The following EXOC6B variants were observed in gnomAD, a reference collection of about 807,000 sequenced individuals.
EXOC6B encodes the protein exocyst complex component 6B.
In EXOC6B, 54 loss-of-function variants were observed where a neutral mutation model predicts 113.5. The ratio of observed to expected loss-of-function variants is 0.48; its 90% CI spans 0.38 to 0.60. The LOEUF is 0.60. Ranked by LOEUF, EXOC6B falls within the 20% of genes least tolerant of loss-of-function variation. The probability of loss-of-function intolerance (pLI) is 0.00; values close to 1 mark genes in which losing one functional copy is unlikely to be tolerated. For missense variants in EXOC6B, 797 were observed against 977.5 expected, an observed-to-expected ratio of 0.82 and a Z score of 2.46; for synonymous variants, 357 against 339.0, an observed-to-expected ratio of 1.05 and a Z score of -0.58.
At chr2:72,635,155 T>C (rs1672733687) in intron 6 of EXOC6B, among the ~76,000 whole-genome samples, 1 of 151,532 alleles carries the variant, frequency 6.6e-6, no homozygotes, top group South Asian at 2.1e-4. Flanking sequence ...CTCAAAAAAC[T>C]AGAAAGAGAA....
chr2:72,183,964 C>A, intron 21 of EXOC6B, 111 bp downstream of exon 21: 1 of 602,612 alleles, frequency 1.7e-6, no homozygotes, highest in South Asian at 2.5e-5. Context: ...TGGCAACTTC[C>A]AGAACAAGGC....
chr2:72,242,963 G>C (rs1286575876), intron 20 of EXOC6B, among the ~76,000 whole-genome samples: 1 of 152,062 alleles, frequency 6.6e-6, no homozygotes. Context: ...TTAAACTCTT[G>C]GGCTTAAGAG....
chr2:72,509,716 A>T (rs1430358454), intron 11 of EXOC6B, among the ~76,000 whole-genome samples: 1 of 152,154 alleles, frequency 6.6e-6, no homozygotes, highest in Non-Finnish European at 1.5e-5. Flanking sequence ...ATTTAAAAAC[A>T]TGAAAATATA....
intron 17 of EXOC6B, among the ~76,000 whole-genome samples, chr2:72,471,058 G>C (rs1226205759): frequency 2.0e-5 from 3 of 152,092 alleles, no homozygotes; most frequent in African/African-American, 4.8e-5. Context: ...TTCCACAATG[G>C]TTGAACTAGT....
intron 1 of EXOC6B, among the ~76,000 whole-genome samples, chr2:72,796,556 A>C (rs930303423): frequency 4.6e-5 from 7 of 151,582 alleles, no homozygotes; most frequent in Non-Finnish European, 8.8e-5. Flanking sequence ...ACTCTATTTT[A>C]TTCATCTTTC....
At chr2:72,695,968 C>T (rs371151613) in intron 6 of EXOC6B, among the ~76,000 whole-genome samples, 2 of 151,640 alleles carry the variant, frequency 1.3e-5, no homozygotes, top group African/African-American at 4.9e-5. Flanking sequence ...CCAATGGCTC[C>T]GAAGTTTCAA....
At chr2:72,685,210 C>T (rs1012446214) in intron 6 of EXOC6B, among the ~76,000 whole-genome samples, 3 of 151,636 alleles carry the variant, frequency 2.0e-5, no homozygotes, top group African/African-American at 7.3e-5. Flanking sequence ...ACAATTTTCC[C>T]AACTTTTCTG....
At chr2:72,188,601 G>A (rs928028140) in intron 20 of EXOC6B, among the ~76,000 whole-genome samples, 12 of 152,122 alleles carry the variant, frequency 7.9e-5, no homozygotes, top group Non-Finnish European at 1.5e-4. Context: ...AAAACCAGCA[G>A]GTCTATTTAT....
At chr2:72,507,448 A>C (rs1452345455) in intron 11 of EXOC6B, among the ~76,000 whole-genome samples, 1 of 152,122 alleles carries the variant, frequency 6.6e-6, no homozygotes, top group African/African-American at 2.4e-5. Flanking sequence ...AATAGTTTTT[A>C]ATTGTTTGTA....
chr2:72,725,431 G>A (rs1265472026), intron 5 of EXOC6B, among the ~76,000 whole-genome samples: 5 of 151,364 alleles, frequency 3.3e-5, no homozygotes, highest in African/African-American at 9.7e-5. Flanking sequence ...TCACTCTGTC[G>A]CCCAGGCTGG....
At chr2:72,614,775 C>T (rs900291957) in intron 6 of EXOC6B, among the ~76,000 whole-genome samples, 90 of 152,200 alleles carry the variant, frequency 5.9e-4, no homozygotes, top group African/African-American at 2.1e-3. Context: ...AAAGCTCATA[C>T]CCAAAGAAGT....
At chr2:72,761,145 A>G (rs545500808) in intron 1 of EXOC6B, among the ~76,000 whole-genome samples, 2 of 152,156 alleles carry the variant, frequency 1.3e-5, no homozygotes, top group Non-Finnish European at 2.9e-5. Context: ...GTGCCACTGC[A>G]CTGCAACCTG....
At chr2:72,756,735 C>G (rs1682434990) in intron 1 of EXOC6B, among the ~76,000 whole-genome samples, 1 of 152,062 alleles carries the variant, frequency 6.6e-6, no homozygotes, top group Non-Finnish European at 1.5e-5. Context: ...CATGAAGCAA[C>G]CTTTTTCACA....
At chr2:72,769,192 C>G (rs1297806597) in intron 1 of EXOC6B, among the ~76,000 whole-genome samples, 2 of 151,974 alleles carry the variant, frequency 1.3e-5, no homozygotes, top group Non-Finnish European at 1.5e-5. Context: ...GAGTCCTTCA[C>G]TAAAAGAAAT....
intron 20 of EXOC6B, among the ~76,000 whole-genome samples, chr2:72,204,409 A>C (rs1679695937): frequency 6.6e-6 from 1 of 152,136 alleles, no homozygotes; most frequent in African/African-American, 2.4e-5. Context: ...AAAGGCAGAG[A>C]ATGGGTGGAA....
chr2:72,715,428 T>A (rs1679550818), intron 6 of EXOC6B, among the ~76,000 whole-genome samples: 1 of 148,244 alleles, frequency 6.7e-6, no homozygotes, highest in African/African-American at 2.5e-5. Context: ...ACATTTAAAA[T>A]ATATATATAA....
chr2:72,480,331 G>A (rs907631011), intron 17 of EXOC6B, among the ~76,000 whole-genome samples: 2 of 152,138 alleles, frequency 1.3e-5, no homozygotes, highest in Non-Finnish European at 2.9e-5. Flanking sequence ...GACTGTGATG[G>A]GGGTTCAACT....
rs763177693 is a variant in EXOC6B at position 72,480,600 on chromosome 2, T to C, written c.1800+16A>G. On this transcript the variant is annotated intron_variant, in intron 17 of 21. Coordinates refer to ENST00000272427, the MANE Select transcript of EXOC6B (RefSeq NM_015189.3). ...TACACCAGAAGCAGTTCCACAGTAC[T>C]GTAGGGCCCTCTCACCTTAAAAGTT... 11 of 1,570,542 alleles carry C rather than the reference T, an allele frequency of 7.0e-6. No homozygotes were observed. The highest frequency in any genetic ancestry group is 1.7e-4 in the Middle Eastern group (1 of 6,012).
At chr2:72,575,705 AG>A (rs766609341) in intron 6 of EXOC6B, 37 bp from the exon 7 acceptor site, 17 of 1,481,214 alleles carry the variant, frequency 1.1e-5, no homozygotes, top group Non-Finnish European at 1.5e-5. Flanking sequence ...CACACCAAAA[AG>A]GTGGGGTTAG....
Sources: allele counts gnomAD v4.1 joint callset (sites outside exome capture counted in the v4.1 genomes callset), GRCh38; gene constraint gnomAD v4.1.1; transcripts MANE v1.5; gene names NCBI Gene and HGNC (gene_info 2026-07-23, HGNC 2026-07-21).